ABRA: variants seen among roughly 807,000 people sequenced by gnomAD.
ABRA encodes actin binding Rho activating protein.
ABRA carries 25 observed loss-of-function variants against 33.4 expected under a neutral mutation model. The ratio of observed to expected loss-of-function variants is 0.75; its 90% CI spans 0.55 to 1.04. The LOEUF (loss-of-function observed/expected upper bound fraction) is 1.04, where lower values mean the gene tolerates loss of function less well. Ranked by LOEUF, ABRA falls within the 50% of genes least tolerant of loss-of-function variation. The pLI is 0.00. For synonymous variants in ABRA, 193 were observed against 176.8 expected, an observed-to-expected ratio of 1.09 and a Z score of -0.73; for missense variants, 501 against 491.7, an observed-to-expected ratio of 1.02 and a Z score of -0.18.
rs772326646 is a variant in ABRA, at chr8:106,769,736, T to G, written c.455A>C (p.His152Pro). The change falls in exon 1 of 2, where the codon CAC (histidine) becomes CCC (proline). Residue 152 changes from histidine to proline, a missense_variant. His to Pro is a moderately conservative substitution (Grantham distance 77). Coordinates refer to ENST00000311955, the MANE Select transcript of ABRA (RefSeq NM_139166.5). ...QPENDIDRIL[H>P]SHGSPTRRRK... Reference sequence around the variant, plus strand: ...CCTCCGCGTTGGGGAGCCGTGGCTGTGGAGGATTCTGTCAATGTCATTCTC... The same window carrying G: ...CCTCCGCGTTGGGGAGCCGTGGCTGGGGAGGATTCTGTCAATGTCATTCTC... 2.5e-6 allele frequency: 4 copies of G among 1,613,942 alleles called. No homozygotes were observed. In the African/African-American group the frequency reaches 5.3e-5, roughly 22 times the overall value.
At chr8:106,765,699 G>A (rs904572371) in intron 1 of ABRA, among the ~76,000 whole-genome samples, 3 of 152,202 alleles carry the variant, frequency 2.0e-5, no homozygotes, top group Non-Finnish European at 4.4e-5. Flanking sequence ...TTGAGAGCCA[G>A]GCCTGTGATT....
chr8:106,766,478 G>C, intron 1 of ABRA, among the ~76,000 whole-genome samples: 1 of 152,040 alleles, frequency 6.6e-6, no homozygotes, highest in Admixed American at 6.6e-5. Flanking sequence ...TTCCAAATTG[G>C]CTTAGTAATG....
intron 1 of ABRA, among the ~76,000 whole-genome samples, chr8:106,768,357 A>C (rs1486083927): frequency 6.6e-6 from 1 of 152,174 alleles, no homozygotes; most frequent in Non-Finnish European, 1.5e-5. Context: ...TACATGTTTC[A>C]GTTTGAGTAA....
At chr8:106,767,113 C>A (rs1836234209) in intron 1 of ABRA, among the ~76,000 whole-genome samples, 1 of 152,224 alleles carries the variant, frequency 6.6e-6, no homozygotes, top group Non-Finnish European at 1.5e-5. Flanking sequence ...AATATTTCTT[C>A]ATCTCCTTTC....
intron 1 of ABRA, 86 bp downstream of exon 1, chr8:106,769,437 G>C: frequency 2.6e-6 from 4 of 1,515,018 alleles, no homozygotes; most frequent in Non-Finnish European, 3.6e-6. Context: ...ACCCTGGCAG[G>C]ACTTCATCTG....
At chr8:106,767,173 T>C (rs556246594) in intron 1 of ABRA, among the ~76,000 whole-genome samples, 1 of 152,328 alleles carries the variant, frequency 6.6e-6, no homozygotes, top group Non-Finnish European at 1.5e-5. Context: ...ATGAGGATAT[T>C]GTGGGATTAA....
chr8:106,769,819 C>T lies in ABRA; in HGVS notation c.372G>A (p.Val124=), dbSNP rs550636883. 2.5e-6 allele frequency: 4 copies of T among 1,614,060 alleles called. No homozygotes were observed. The highest frequency in any genetic ancestry group is 2.7e-5 in the African/African-American group (2 of 74,912). ...TCTCGTACCTGTGGCTGAGGTGGCT[C>T]ACGTCCCCTCCTCTCTCATAAGTCT... ...VSKTYERGGD[V]SHLSHRYERD... Residue 124 remains valine, a synonymous_variant, in exon 1 of 2, where the codon GTG becomes GTA. Transcript: ENST00000311955.
intron 1 of ABRA, among the ~76,000 whole-genome samples, chr8:106,767,548 T>G (rs962745373): frequency 5.3e-5 from 8 of 152,108 alleles, no homozygotes; most frequent in African/African-American, 2.4e-5. Context: ...GCATTTGGAG[T>G]AGGGCACGTC....
At chr8:106,765,234 G>A (rs1298193128) in intron 1 of ABRA, among the ~76,000 whole-genome samples, 1 of 152,120 alleles carries the variant, frequency 6.6e-6, no homozygotes, top group African/African-American at 2.4e-5. Flanking sequence ...AAATTAGCCA[G>A]GCCTGGTGGC....
chr8:106,766,806 A>C (rs1432680629), intron 1 of ABRA, among the ~76,000 whole-genome samples: 2 of 152,198 alleles, frequency 1.3e-5, no homozygotes. Flanking sequence ...TGAGTCTATC[A>C]CTTTACATAG....
At chr8:106,764,955 T>C (rs865911088) in intron 1 of ABRA, among the ~76,000 whole-genome samples, 12 of 152,032 alleles carry the variant, frequency 7.9e-5, no homozygotes, top group Admixed American at 5.9e-4. Flanking sequence ...GAAAGTCTTA[T>C]ACACTGAATT....
In ABRA at chr8:106,761,294, C is replaced by G. The variant is rs372498827; in HGVS notation, c.889G>C (p.Glu297Gln). 1.3e-4 allele frequency: 209 copies of G among 1,614,110 alleles called. No individual in the cohort carries two copies. Among genetic ancestry groups the G allele is most frequent in the Non-Finnish European group, 1.7e-4 (198 of 1,180,052 alleles). The change falls in exon 2 of 2, where the codon GAA becomes CAA. Residue 297 changes from glutamate (E) to glutamine (Q), a missense_variant. Glu to Gln is a conservative substitution (Grantham distance 29). Coordinates refer to ENST00000311955, the MANE Select transcript of ABRA (RefSeq NM_139166.5). ...TGCTCCTCAGCACGCTTGGCCCTTTCAGCAGTTTTGGTTCCTTCTTTGGGG... is the reference window on the plus strand; with the variant it reads ...TGCTCCTCAGCACGCTTGGCCCTTTGAGCAGTTTTGGTTCCTTCTTTGGGG... ...GRPKEGTKTA[E>Q]RAKRAEEHIY...
At position 106,769,812 on chromosome 8, in the gene ABRA, G is replaced by C; in HGVS notation, c.379C>G (p.Leu127Val). ...TYERGGDVSH[L>V]SHRYERDAGV... Reference sequence around the variant, plus strand: ...GCATCCCTCTCGTACCTGTGGCTGAGGTGGCTCACGTCCCCTCCTCTCTCA... The same window carrying C: ...GCATCCCTCTCGTACCTGTGGCTGACGTGGCTCACGTCCCCTCCTCTCTCA... The change falls in exon 1 of 2, where the codon CTC becomes GTC. Residue 127 changes from leucine (L) to valine (V), a missense_variant. Physicochemically the swap from Leu to Val is conservative, Grantham distance 32. Transcript: ENST00000311955. 6.2e-7 allele frequency: 1 copy of C among 1,614,148 alleles called. No individual in the cohort carries two copies. The highest frequency in any genetic ancestry group is 1.1e-5 in the South Asian group (1 of 91,080).
Position 106,759,751 on chromosome 8 carries a change from T to G in ABRA, c.*1286A>C, listed in dbSNP as rs1441276467. 6.6e-6 allele frequency: 1 copy of G among 152,226 alleles called. No homozygotes were observed. The highest frequency in any genetic ancestry group is 2.4e-5 in the African/African-American group (1 of 41,460). The allele number at this position is 152,226 out of a possible 1,614,324, so 9.4% of individuals were successfully genotyped here. A position where few individuals can be genotyped will look rare whatever the true frequency, so the allele number is the denominator to read the frequency against. On this transcript the variant is annotated 3_prime_UTR_variant, in exon 2 of 2. Coordinates refer to ENST00000311955, the MANE Select transcript of ABRA (RefSeq NM_139166.5). ...ATTTTGAGGTATCATATTTAGACAT[T>G]AATTTTTACATTTAACACCAAAGTG...
Position 106,770,140 on chromosome 8 carries a change from G to A in ABRA, c.51C>T (p.Leu17=), listed in dbSNP as rs561142259. The change falls in exon 1 of 2, where the codon CTC becomes CTT. Residue 17 remains leucine (L), a synonymous_variant. Transcript: ENST00000311955. ...ESGEGPAKSA[L]RKIRTATLVI... ...CCAGGGTGGCTGTGCGTATCTTCCG[G>A]AGGGCGCTCTTGGCTGGGCCCTCCC... 4.3e-6 allele frequency: 7 copies of A among 1,613,430 alleles called. No homozygotes were observed. The South Asian group carries it at 7.7e-5, about 18-fold the overall frequency.
chr8:106,761,921 A>G (rs1036782626), intron 1 of ABRA, among the ~76,000 whole-genome samples: 1 of 152,176 alleles, frequency 6.6e-6, no homozygotes, highest in African/African-American at 2.4e-5. Flanking sequence ...TTATTTCCCA[A>G]AGGTAAGGAC....
Position 106,770,082 on chromosome 8 carries a change from C to T in ABRA, c.109G>A (p.Ala37Thr), listed in dbSNP as rs764169695. The change falls in exon 1 of 2, where the codon GCG (alanine) becomes ACG (threonine). Residue 37 changes from alanine to threonine, a missense_variant. Ala to Thr is a moderately conservative substitution (Grantham distance 58). Transcript: ENST00000311955. The stretch of plus-strand genomic sequence containing the variant: ...GCCTGCCTGATGCTGTTCTCATTCG[C>T]CCACTGCTGCCAACCTCGGGCCAAG... ...ISLARGWQQW[A>T]NENSIRQAQE... 17 of 1,613,990 alleles carry T rather than the reference C, an allele frequency of 1.1e-5. No homozygotes were observed. The highest frequency in any genetic ancestry group is 1.4e-5 in the Non-Finnish European group (17 of 1,179,932).
chr8:106,769,615 C>A lies in ABRA; in HGVS notation c.576G>T (p.Glu192Asp). ...PTWRSDSVDT[E>D]DSGYGGEAEE... ...CAGCCTCTCCTCCATAGCCGCTGTC[C>A]TCTGTGTCTACGCTGTCACTCCTCC... Residue 192 changes from glutamate (E) to aspartate (D), a missense_variant, in exon 1 of 2, where the codon GAG becomes GAT. Transcript: ENST00000311955. The A allele has an allele frequency of 6.2e-7, 1 of 1,614,220 alleles. No homozygotes were observed. The highest frequency in any genetic ancestry group is 8.5e-7 in the Non-Finnish European group (1 of 1,180,034).
At position 106,759,715 on chromosome 8, in the gene ABRA, T is replaced by C. The variant is rs1172821137; in HGVS notation, c.*1322A>G. On this transcript the variant is annotated 3_prime_UTR_variant, in exon 2 of 2. Coordinates refer to ENST00000311955, the MANE Select transcript of ABRA (RefSeq NM_139166.5). ...AACAAATATAATTCTTATAGCAGTC[T>C]AATACCTATTATTTTGAGGTATCAT... The C allele has an allele frequency of 2.6e-5, 4 of 152,228 alleles. No individual in the cohort carries two copies. Among genetic ancestry groups the C allele is most frequent in the Non-Finnish European group, 5.9e-5 (4 of 68,020 alleles). The allele number at this position is 152,228 out of a possible 1,614,324, so 9.4% of individuals were successfully genotyped here.
Sources: gnomAD v4.1 joint callset for allele counts (sites outside exome capture counted in the v4.1 genomes callset) on GRCh38, gnomAD v4.1.1 for gene constraint, MANE v1.5 for transcripts, NCBI Gene and HGNC (gene_info 2026-07-23, HGNC 2026-07-21) for gene names.